Variants in LRMDA observed in about 807,000 individuals in gnomAD.
LRMDA encodes the protein leucine-rich melanocyte differentiation-associated protein.
In LRMDA, 18 loss-of-function variants were observed where a neutral mutation model predicts 29.8. That is an observed-to-expected ratio of 0.60 (90% CI 0.42 to 0.90). LRMDA has a LOEUF of 0.90. Ranked by LOEUF, LRMDA falls within the 40% of genes least tolerant of loss-of-function variation. The pLI is 0.00. For synonymous variants in LRMDA, 125 were observed against 109.4 expected (o/e 1.14, Z -0.89); for missense variants, 273 against 273.9 (o/e 1.00, Z 0.02).
At chr10:75,518,289 C>G (rs1053140474) in intron 2 of LRMDA, among the ~76,000 whole-genome samples, 1 of 152,182 alleles carries the variant, frequency 6.6e-6, no homozygotes, top group African/African-American at 2.4e-5. Context: ...ACCAGCTCCT[C>G]TTTGTACCTC....
intron 2 of LRMDA, among the ~76,000 whole-genome samples, chr10:75,662,760 A>G (rs1169698590): frequency 6.6e-6 from 1 of 152,134 alleles, no homozygotes; most frequent in Non-Finnish European, 1.5e-5. Context: ...TTTGGTGAGG[A>G]CGTTCTGTAG....
At chr10:75,538,433 T>C (rs1370721599) in intron 2 of LRMDA, among the ~76,000 whole-genome samples, 1 of 152,234 alleles carries the variant, frequency 6.6e-6, no homozygotes, top group Non-Finnish European at 1.5e-5. Flanking sequence ...AGTGATTTCC[T>C]AATGCATCTT....
Position 76,514,100 on chromosome 10 carries a change from C to A in LRMDA, c.602-43109C>A, listed in dbSNP as rs71475606. ...GATAGGCCCAGGCTGAGACATATGACCTAGGGCAACTTTAAGTAGCACCCC... is the reference window on the plus strand; with the variant it reads ...GATAGGCCCAGGCTGAGACATATGAACTAGGGCAACTTTAAGTAGCACCCC... On this transcript the variant is annotated intron_variant, in intron 6 of 6. Coordinates refer to ENST00000611255, the MANE Select transcript of LRMDA (RefSeq NM_001305581.2). Among the ~76,000 whole-genome samples, 409 of 152,260 alleles carry A rather than the reference C, an allele frequency of 2.7e-3. 1 individual carries two copies. The highest frequency in any genetic ancestry group is 4.7e-3 in the Non-Finnish European group (323 of 68,026).
chr10:76,086,616 T>C lies in LRMDA; in HGVS notation c.516+27833T>C, dbSNP rs545089273. 3.9e-5 allele frequency among the ~76,000 whole-genome samples: 6 copies of C among 152,316 alleles called. No individual in the cohort carries two copies. The East Asian group carries it at 1.2e-3, about 29-fold the overall frequency. The stretch of plus-strand genomic sequence containing the variant: ...GTTCACCAAGTCCCTTCTCTGTGGC[T>C]ACCACACAGCTAAATACTCATGTGT... On this transcript the variant is annotated intron_variant, in intron 5 of 6. Transcript: ENST00000611255.
chr10:76,321,195 G>A (rs1026589544), intron 5 of LRMDA, among the ~76,000 whole-genome samples: 1 of 152,152 alleles, frequency 6.6e-6, no homozygotes, highest in African/African-American at 2.4e-5. Context: ...TTTCCGTAGA[G>A]TATATATTTT....
At chr10:76,502,836 A>G (rs1842924313) in intron 6 of LRMDA, among the ~76,000 whole-genome samples, 1 of 151,448 alleles carries the variant, frequency 6.6e-6, no homozygotes, top group African/African-American at 2.4e-5. Context: ...TCATTTTGTC[A>G]GAGAAGATAG....
chr10:75,766,349 T>G (rs1843167705), intron 2 of LRMDA, among the ~76,000 whole-genome samples: 1 of 152,192 alleles, frequency 6.6e-6, no homozygotes, highest in Non-Finnish European at 1.5e-5. Context: ...GTCCCAGTGC[T>G]GTGGGCAGTG....
intron 2 of LRMDA, among the ~76,000 whole-genome samples, chr10:76,023,812 C>T (rs1249449680): frequency 6.6e-6 from 1 of 152,218 alleles, no homozygotes; most frequent in African/African-American, 2.4e-5. Flanking sequence ...TAGCCACTGA[C>T]CTGCTTCATT....
intron 2 of LRMDA, among the ~76,000 whole-genome samples, chr10:75,482,657 G>C (rs1844866532): frequency 6.6e-6 from 1 of 152,204 alleles, no homozygotes; most frequent in Non-Finnish European, 1.5e-5. Flanking sequence ...TAGAGTCTGT[G>C]TCAGCTCAAC....
At chr10:76,372,711 C>T (rs981971203) in intron 6 of LRMDA, among the ~76,000 whole-genome samples, 1 of 152,000 alleles carries the variant, frequency 6.6e-6, no homozygotes, top group Non-Finnish European at 1.5e-5. Context: ...CTTTTTTATG[C>T]TATGCAGAGA....
Position 76,557,223 on chromosome 10 carries a change from T to C in LRMDA, c.616T>C (p.Cys206Arg), listed in dbSNP as rs1459842114. The C allele has an allele frequency of 1.9e-6, 3 of 1,614,010 alleles. No homozygotes were observed. The highest frequency in any genetic ancestry group is 1.3e-5 in the African/African-American group (1 of 74,916). ...TTTATTTGCAGGTGTCCTGGGGAAGTGTCGCTACGTTTACTATGGGAAAAA... is the reference window on the plus strand; with the variant it reads ...TTTATTTGCAGGTGTCCTGGGGAAGCGTCGCTACGTTTACTATGGGAAAAA... The part of the protein sequence containing the change: ...LTSHQGVLGK[C>R]RYVYYGKNSE... The change falls in exon 7 of 7, where the codon TGT becomes CGT. Residue 206 changes from cysteine to arginine, a missense_variant. By Grantham distance (180) the Cys-to-Arg change is radical. Coordinates refer to ENST00000611255, the MANE Select transcript of LRMDA (RefSeq NM_001305581.2).
chr10:76,006,983 CGTGTGTGTGTGTGTGT>C (rs572881040), intron 2 of LRMDA, among the ~76,000 whole-genome samples: 1,373 of 116,200 alleles, frequency 0.012, 27 homozygotes, highest in African/African-American at 0.047. Context: ...ATGGAGAAGG[CGTGTGTGTGTGTGTGT>C]GTGTGTGTGT....
At chr10:75,982,969 A>T (rs1410978034) in intron 2 of LRMDA, among the ~76,000 whole-genome samples, 1 of 152,194 alleles carries the variant, frequency 6.6e-6, no homozygotes, top group Non-Finnish European at 1.5e-5. Flanking sequence ...CTGGGATTCA[A>T]GAGAGGGTAA....
chr10:76,022,517 A>C (rs1022559821), intron 2 of LRMDA, among the ~76,000 whole-genome samples: 2 of 152,216 alleles, frequency 1.3e-5, no homozygotes, highest in Non-Finnish European at 2.9e-5. Flanking sequence ...ACACAAATGT[A>C]GGGCCAAGGC....
chr10:75,989,749 C>T (rs1292391997), intron 2 of LRMDA, among the ~76,000 whole-genome samples: 1 of 152,196 alleles, frequency 6.6e-6, no homozygotes, highest in Non-Finnish European at 1.5e-5. Context: ...CCAAAGATAG[C>T]CAGGGGTCTG....
At chr10:76,526,259 G>A (rs118153957) in intron 6 of LRMDA, among the ~76,000 whole-genome samples, 35 of 152,272 alleles carry the variant, frequency 2.3e-4, no homozygotes, top group Non-Finnish European at 4.9e-4. Context: ...GAGAATGGAG[G>A]TAGGCAGCCC....
chr10:76,331,062 G>C (rs1287654383), intron 6 of LRMDA, among the ~76,000 whole-genome samples: 1 of 152,202 alleles, frequency 6.6e-6, no homozygotes, highest in Admixed American at 6.5e-5. Context: ...CTTGAGGTCA[G>C]GAGTTCGAGA....
chr10:76,093,638 C>G (rs895020538), intron 5 of LRMDA, among the ~76,000 whole-genome samples: 1 of 152,136 alleles, frequency 6.6e-6, no homozygotes, highest in Non-Finnish European at 1.5e-5. Context: ...CAGTCTTGTC[C>G]CGATTCCTTT....
At chr10:75,731,009 G>A (rs994578393) in intron 2 of LRMDA, among the ~76,000 whole-genome samples, 2 of 152,102 alleles carry the variant, frequency 1.3e-5, no homozygotes, top group African/African-American at 2.4e-5. Flanking sequence ...ATCTGATAAC[G>A]TCAAAATGTG....
Sources: gnomAD v4.1 joint callset for allele counts (sites outside exome capture counted in the v4.1 genomes callset) on GRCh38, gnomAD v4.1.1 for gene constraint, MANE v1.5 for transcripts, NCBI Gene and HGNC (gene_info 2026-07-23, HGNC 2026-07-21) for gene names.